ARHGAP42: variants seen among roughly 807,000 people sequenced by gnomAD.
ARHGAP42 encodes Rho GTPase activating protein 42.
Under a neutral mutation model 125.0 loss-of-function variants are expected in ARHGAP42, and 63 were observed. The ratio of observed to expected loss-of-function variants is 0.50; its 90% confidence interval spans 0.41 to 0.62. The LOEUF (loss-of-function observed/expected upper bound fraction) is 0.62, where lower values mean the gene tolerates loss of function less well. ARHGAP42 is among the 20% of genes least tolerant of loss of function. The probability of loss-of-function intolerance (pLI) is 0.00; values close to 1 mark genes in which losing one functional copy is unlikely to be tolerated. For missense variants in ARHGAP42, 766 were observed against 1,024.2 expected (o/e 0.75, Z 3.44); for synonymous variants, 339 against 351.0 (o/e 0.97, Z 0.38).
chr11:100,880,139 T>A (rs1354558031), intron 4 of ARHGAP42, among the ~76,000 whole-genome samples: 2 of 152,104 alleles, frequency 1.3e-5, no homozygotes, highest in Non-Finnish European at 2.9e-5. Flanking sequence ...AGTGAACAGG[T>A]GGTGTTTGGT....
Position 100,743,700 on chromosome 11 carries a change from A to G in ARHGAP42, c.155-26643A>G, listed in dbSNP as rs112476134. The stretch of plus-strand genomic sequence containing the variant: ...CTTTCTCTTCTCCCTCAGGAACACC[A>G]GTTTTTCTTAGGTTTGGCCATTTTT... On this transcript the variant is annotated intron_variant, in intron 1 of 23. Transcript: ENST00000298815. 2.6e-3 allele frequency among the ~76,000 whole-genome samples: 398 copies of G among 152,144 alleles called. 1 individual carries two copies. Among genetic ancestry groups the G allele is most frequent in the African/African-American group, 9.3e-3 (385 of 41,516 alleles).
At chr11:100,735,460 G>C (rs1251017794) in intron 1 of ARHGAP42, among the ~76,000 whole-genome samples, 1 of 151,920 alleles carries the variant, frequency 6.6e-6, no homozygotes, top group Non-Finnish European at 1.5e-5. Context: ...CTTTAAAAAA[G>C]AATAGGAAAT....
chr11:100,784,405 G>C (rs903391610), intron 2 of ARHGAP42, among the ~76,000 whole-genome samples: 3 of 152,134 alleles, frequency 2.0e-5, no homozygotes, highest in Non-Finnish European at 2.9e-5. Context: ...ATGAGTTAGA[G>C]CCACAGAAGC....
intron 3 of ARHGAP42, among the ~76,000 whole-genome samples, chr11:100,796,074 T>C (rs1450041233): frequency 5.9e-5 from 9 of 152,208 alleles, no homozygotes; most frequent in Admixed American, 5.9e-4. Context: ...TGTTTTCAAA[T>C]TAAGGGTTTT....
chr11:100,993,230 G>A lies in ARHGAP42; in HGVS notation c.*4429G>A, dbSNP rs990604256. On this transcript the variant is annotated 3_prime_UTR_variant, in exon 24 of 24. Coordinates refer to ENST00000298815, the MANE Select transcript of ARHGAP42 (RefSeq NM_152432.4). ...GTTGACAACAACTCAATTTTGCCTT[G>A]AATTTACTCAGTCTTATAAATTAAA... 6.0e-6 allele frequency: 1 copy of A among 166,962 alleles called. No homozygotes were observed. The highest frequency in any genetic ancestry group is 2.4e-5 in the African/African-American group (1 of 41,300). The allele number at this position is 166,962 out of a possible 1,614,324, so 10.3% of individuals were successfully genotyped here.
At chr11:100,872,387 T>G (rs1454664981) in intron 4 of ARHGAP42, among the ~76,000 whole-genome samples, 1 of 151,926 alleles carries the variant, frequency 6.6e-6, no homozygotes, top group Non-Finnish European at 1.5e-5. Flanking sequence ...TTAATGAGTT[T>G]TTGTTGTTGT....
At chr11:100,747,450 C>T (rs767859140) in intron 1 of ARHGAP42, among the ~76,000 whole-genome samples, 16 of 152,254 alleles carry the variant, frequency 1.1e-4, no homozygotes, top group East Asian at 3.9e-4. Flanking sequence ...TTTTTATAGA[C>T]GCTTTTTAAC....
chr11:100,809,113 G>A (rs1864077481), intron 3 of ARHGAP42, among the ~76,000 whole-genome samples: 1 of 152,070 alleles, frequency 6.6e-6, no homozygotes, highest in African/African-American at 2.4e-5. Context: ...TTTTATCTTT[G>A]CCTCTCATTT....
chr11:100,869,366 A>G (rs975364499), intron 4 of ARHGAP42, among the ~76,000 whole-genome samples: 2 of 151,608 alleles, frequency 1.3e-5, no homozygotes, highest in African/African-American at 4.8e-5. Context: ...TGGGCACTAT[A>G]CTATCCCTGC....
intron 17 of ARHGAP42, among the ~76,000 whole-genome samples, chr11:100,970,151 G>A (rs1432364629): frequency 6.6e-6 from 1 of 152,004 alleles, no homozygotes; most frequent in African/African-American, 2.4e-5. Flanking sequence ...ACCACACCCG[G>A]CTAATTTTGT....
intron 1 of ARHGAP42, among the ~76,000 whole-genome samples, chr11:100,730,072 G>A (rs558789203): frequency 1.3e-5 from 2 of 152,054 alleles, no homozygotes; most frequent in South Asian, 4.1e-4. Context: ...GCCTCCCAAA[G>A]TGCTGGGATT....
chr11:100,834,517 C>G (rs648435), intron 3 of ARHGAP42, among the ~76,000 whole-genome samples: 84,172 of 151,890 alleles, frequency 0.55, 24,618 homozygotes, highest in African/African-American at 0.75. Context: ...GACACAAGTT[C>G]TCATTGGGTA....
intron 3 of ARHGAP42, 105 bp from the exon 4 acceptor site, chr11:100,859,449 A>C (rs1393957757): frequency 3.1e-6 from 3 of 956,194 alleles, no homozygotes; most frequent in Non-Finnish European, 3.1e-6. Context: ...GATGCAAACA[A>C]AAACAAAAAC....
intron 2 of ARHGAP42, among the ~76,000 whole-genome samples, chr11:100,775,037 C>T (rs565354803): frequency 6.6e-6 from 1 of 151,950 alleles, no homozygotes; most frequent in South Asian, 2.1e-4. Context: ...TTTTTAGCAC[C>T]TCCCTTTTCA....
chr11:100,909,656 A>G (rs1866856561), intron 4 of ARHGAP42, among the ~76,000 whole-genome samples: 1 of 152,096 alleles, frequency 6.6e-6, no homozygotes, highest in Non-Finnish European at 1.5e-5. Context: ...TTATAGTTTC[A>G]GATCTTACCT....
At chr11:100,949,724 T>G (rs1361554572) in intron 11 of ARHGAP42, among the ~76,000 whole-genome samples, 193 bp from the exon 12 acceptor site, 2 of 150,722 alleles carry the variant, frequency 1.3e-5, no homozygotes, top group Admixed American at 1.3e-4. Context: ...GGAAAAGGAG[T>G]GGGAAGTGAG....
chr11:100,701,854 G>T (rs927664291), intron 1 of ARHGAP42, among the ~76,000 whole-genome samples: 7 of 152,100 alleles, frequency 4.6e-5, no homozygotes, highest in African/African-American at 7.2e-5. Context: ...GGAACTAGGA[G>T]AAATGGAGTA....
intron 3 of ARHGAP42, among the ~76,000 whole-genome samples, chr11:100,831,518 A>G (rs755796077): frequency 1.3e-5 from 2 of 152,196 alleles, no homozygotes; most frequent in African/African-American, 2.4e-5. Context: ...AAACACGTTT[A>G]TGTTAGTGAC....
At chr11:100,821,040 T>C (rs1864394034) in intron 3 of ARHGAP42, among the ~76,000 whole-genome samples, 1 of 152,104 alleles carries the variant, frequency 6.6e-6, no homozygotes, top group Admixed American at 6.6e-5. Context: ...AAAAGGTATC[T>C]GACTTAGCCT....
Sources: allele counts gnomAD v4.1 joint callset (sites outside exome capture counted in the v4.1 genomes callset), GRCh38; gene constraint gnomAD v4.1.1; transcripts MANE v1.5; gene names NCBI Gene and HGNC (gene_info 2026-07-23, HGNC 2026-07-21).